The following HDAC9 variants were observed in gnomAD, a reference collection of about 807,000 sequenced individuals.
HDAC9 encodes MEF-2 interacting transcription repressor (MITR) protein.
In HDAC9, 41 loss-of-function variants were observed where a neutral mutation model predicts 139.4. That is an observed-to-expected ratio of 0.29 (90% CI 0.23 to 0.38). The LOEUF (loss-of-function observed/expected upper bound fraction) is 0.38. HDAC9 is among the 10% of genes least tolerant of loss of function. HDAC9 has a pLI of 1.00. For missense variants in HDAC9, 1,147 were observed against 1,297.0 expected, an observed-to-expected ratio of 0.88 and a Z score of 1.78; for synonymous variants, 517 against 476.2, an observed-to-expected ratio of 1.09 and a Z score of -1.12.
intron 2 of HDAC9, among the ~76,000 whole-genome samples, chr7:18,282,303 T>C (rs971333593): frequency 4.6e-5 from 7 of 152,196 alleles, no homozygotes; most frequent in African/African-American, 1.7e-4. Flanking sequence ...TAAATCCCGT[T>C]TTGTAAATGA....
chr7:18,349,873 AGTT>A (rs1490344482), intron 1 of HDAC9, among the ~76,000 whole-genome samples: 1 of 152,176 alleles, frequency 6.6e-6, no homozygotes, highest in Non-Finnish European at 1.5e-5. Flanking sequence ...AGTATATTTC[AGTT>A]GTTCTTTGCT....
At chr7:18,259,063 G>T (rs555609665) in intron 2 of HDAC9, among the ~76,000 whole-genome samples, 3 of 143,570 alleles carry the variant, frequency 2.1e-5, no homozygotes, top group Non-Finnish European at 4.5e-5. Context: ...TCCGCCTCCT[G>T]GGTTCAAGCA....
chr7:18,955,936 T>A (rs187597854), intron 24 of HDAC9, among the ~76,000 whole-genome samples: 1 of 152,276 alleles, frequency 6.6e-6, no homozygotes, highest in East Asian at 1.9e-4. Context: ...AGGCGTAATT[T>A]CTGTACATCT....
rs1782626794 is a variant in HDAC9, at chr7:18,949,350, A to G, written c.2938-4796A>G. ...TAGAGGCAGCTCGCTTTCCAGATAT[A>G]CTTAAGAGCTTTGCATCCTCCTCCT... is the stretch of plus-strand genomic sequence containing the variant. On this transcript the variant is annotated intron_variant, in intron 23 of 25. Transcript: ENST00000686413. 5 of 257,168 alleles carry G rather than the reference A, an allele frequency of 1.9e-5. No individual in the cohort carries two copies. In the South Asian group the frequency reaches 2.6e-4, roughly 13 times the overall value. The allele number at this position is 257,168 out of a possible 1,614,324, so 15.9% of individuals were successfully genotyped here. A position where few individuals can be genotyped will look rare whatever the true frequency, so the allele number is the denominator to read the frequency against.
intron 1 of HDAC9, among the ~76,000 whole-genome samples, chr7:18,470,034 A>T (rs889858190): frequency 5.3e-5 from 8 of 151,986 alleles, no homozygotes; most frequent in Non-Finnish European, 7.3e-5. Context: ...AAGTATATAT[A>T]TTTTTTTAAT....
At chr7:18,857,977 A>G (rs1450550671) in intron 21 of HDAC9, among the ~76,000 whole-genome samples, 1 of 152,180 alleles carries the variant, frequency 6.6e-6, no homozygotes, top group Non-Finnish European at 1.5e-5. Context: ...ACTGTGGAGT[A>G]TTATTTGGTC....
chr7:18,582,212 G>A (rs79485811), intron 2 of HDAC9, among the ~76,000 whole-genome samples: 2,232 of 152,234 alleles, frequency 0.015, 41 homozygotes, highest in African/African-American at 0.041. Flanking sequence ...ACTGGAATCT[G>A]CAAATTTAAG....
chr7:18,469,850 C>A (rs976343824), intron 1 of HDAC9, among the ~76,000 whole-genome samples: 1 of 152,020 alleles, frequency 6.6e-6, no homozygotes, highest in Non-Finnish European at 1.5e-5. Flanking sequence ...TAGGTTAGAT[C>A]AACCAGGAGA....
intron 1 of HDAC9, among the ~76,000 whole-genome samples, chr7:18,376,836 A>T (rs1785027927): frequency 6.6e-6 from 1 of 152,176 alleles, no homozygotes; most frequent in African/African-American, 2.4e-5. Context: ...GGCTGCTGTA[A>T]TAGACTGCTG....
intron 1 of HDAC9, among the ~76,000 whole-genome samples, chr7:18,155,339 C>T (rs939091643): frequency 1.3e-5 from 2 of 152,088 alleles, no homozygotes; most frequent in Non-Finnish European, 2.9e-5. Flanking sequence ...GGGTTGGGTA[C>T]TGGATACCCT....
chr7:18,956,454 G>A (rs1412999233), intron 24 of HDAC9, among the ~76,000 whole-genome samples: 2 of 152,080 alleles, frequency 1.3e-5, no homozygotes, highest in Non-Finnish European at 2.9e-5. Context: ...TCCAGGAAGG[G>A]TTGACAGCAG....
intron 13 of HDAC9, 98 bp from the exon 14 acceptor site, chr7:18,748,907 G>T: frequency 8.8e-7 from 1 of 1,134,966 alleles, no homozygotes; most frequent in South Asian, 1.6e-5. Context: ...TTTATTTTAA[G>T]AATAATGACT....
intron 1 of HDAC9, among the ~76,000 whole-genome samples, chr7:18,448,922 G>A (rs1043264868): frequency 2.0e-5 from 3 of 151,978 alleles, no homozygotes; most frequent in Admixed American, 1.3e-4. Flanking sequence ...TGACAGAATC[G>A]GGGCAGATAG....
chr7:18,857,361 G>GTGTGTGTGTGTGTGTGTGTGTGTGTA (rs1562994705), intron 21 of HDAC9, among the ~76,000 whole-genome samples: 3 of 151,458 alleles, frequency 2.0e-5, no homozygotes, highest in Admixed American at 6.6e-5. Context: ...GTGTGTGTGT[G>GTGTGTGTGTGTGTGTGTGTGTGTGTA]TGTATGTATG....
intron 19 of HDAC9, among the ~76,000 whole-genome samples, chr7:18,830,288 G>A (rs1174489038): frequency 6.6e-6 from 1 of 152,156 alleles, no homozygotes; most frequent in East Asian, 1.9e-4. Context: ...TGATTTATGA[G>A]CCCCGTTTTC....
chr7:18,347,864 A>G (rs1181945085), intron 1 of HDAC9, among the ~76,000 whole-genome samples: 4 of 152,184 alleles, frequency 2.6e-5, no homozygotes, highest in Non-Finnish European at 5.9e-5. Context: ...GGCACGAGCC[A>G]CTGCACCTGG....
chr7:18,708,303 G>A (rs1784090554), intron 12 of HDAC9, among the ~76,000 whole-genome samples: 1 of 152,036 alleles, frequency 6.6e-6, no homozygotes, highest in Admixed American at 6.6e-5. Context: ...GAGGGAGGAA[G>A]GGGACTTGGG....
intron 16 of HDAC9, among the ~76,000 whole-genome samples, chr7:18,769,880 A>G (rs1449660228): frequency 6.6e-6 from 1 of 152,110 alleles, no homozygotes; most frequent in African/African-American, 2.4e-5. Flanking sequence ...GTCTTAAGGC[A>G]TGGTTCTGTC....
chr7:18,295,535 G>A (rs1391833658), intron 1 of HDAC9, among the ~76,000 whole-genome samples: 5 of 152,156 alleles, frequency 3.3e-5, no homozygotes, highest in Non-Finnish European at 5.9e-5. Flanking sequence ...CCAAGTGGCA[G>A]TATATTTAGA....
Sources: allele counts gnomAD v4.1 joint callset (sites outside exome capture counted in the v4.1 genomes callset), GRCh38; gene constraint gnomAD v4.1.1; transcripts MANE v1.5; gene names NCBI Gene and HGNC (gene_info 2026-07-23, HGNC 2026-07-21).